Variants in PCDHGB4 observed in about 807,000 individuals in gnomAD.
PCDHGB4 encodes protocadherin gamma-B4.
A neutral mutation model predicts 60.5 loss-of-function variants in PCDHGB4; 38 were observed. The observed-to-expected ratio is 0.63, with a 90% CI of 0.48 to 0.82. The LOEUF (loss-of-function observed/expected upper bound fraction) is 0.82, where lower values mean the gene tolerates loss of function less well. PCDHGB4 is among the 40% of genes least tolerant of loss of function. PCDHGB4 has a pLI of 0.00. For synonymous variants in PCDHGB4, 456 were observed against 509.7 expected (o/e 0.89, Z 1.42); for missense variants, 1,109 against 1,209.6 (o/e 0.92, Z 1.23).
At position 141,431,747 on chromosome 5, in the gene PCDHGB4, C is replaced by T. The variant is rs371020840; in HGVS notation, c.2397+41466C>T. The T allele has an allele frequency of 5.0e-6, 8 of 1,614,064 alleles. No individual in the cohort carries two copies. In the Admixed American group the frequency reaches 5.0e-5, roughly 10 times the overall value. On this transcript the variant is annotated intron_variant, in intron 1 of 3. Transcript: ENST00000519479. This position sits in a 1 kb window ranked among gnomAD's most constrained non-coding sequence, Gnocchi z 4.8. ...AATGGATAATGCAGGATATTCTGCG[C>T]GAGCCAAAGTCCTGATCACTGTTCT...
intron 1 of PCDHGB4, chr5:141,422,889 G>A (rs62378455): frequency 0.035 from 55,863 of 1,614,202 alleles, 1,109 homozygotes; most frequent in Middle Eastern, 0.098. Context: ...TGTTCGTGCT[G>A]GACCAGAACG....
intron 1 of PCDHGB4, among the ~76,000 whole-genome samples, chr5:141,469,449 C>A (rs1017174114): frequency 2.0e-5 from 3 of 151,846 alleles, no homozygotes; most frequent in African/African-American, 7.3e-5. Context: ...GTGGTGCACA[C>A]CTGTAGTCTC....
At chr5:141,430,931 G>C (rs781580216) in intron 1 of PCDHGB4, 2 of 1,607,530 alleles carry the variant, frequency 1.2e-6, no homozygotes, top group Admixed American at 1.7e-5. Flanking sequence ...GGAGCCCCGG[G>C]AGCTCGCGGA....
intron 1 of PCDHGB4, chr5:141,392,652 A>T: frequency 1.4e-6 from 1 of 713,126 alleles, no homozygotes; most frequent in South Asian, 2.2e-5. Flanking sequence ...GAAGACCCGC[A>T]GATGCCACAA....
chr5:141,457,635 T>G (rs1242403589), intron 1 of PCDHGB4, among the ~76,000 whole-genome samples: 2 of 152,270 alleles, frequency 1.3e-5, no homozygotes, highest in African/African-American at 4.8e-5. Flanking sequence ...ATACTTGGCC[T>G]GATTATTTGC....
intron 1 of PCDHGB4, among the ~76,000 whole-genome samples, chr5:141,494,135 GTCAC>G (rs1365926534): frequency 3.3e-5 from 5 of 152,202 alleles, no homozygotes; most frequent in Admixed American, 6.5e-5. Flanking sequence ...CTTCTCCTTA[GTCAC>G]AGACCATTGT....
chr5:141,414,371 A>G (rs1447111430), intron 1 of PCDHGB4: 1 of 1,613,954 alleles, frequency 6.2e-7, no homozygotes, highest in South Asian at 1.1e-5. Flanking sequence ...TTTAAATTAG[A>G]AAAGTCCATT....
intron 1 of PCDHGB4, chr5:141,421,335 G>A (rs2096564985): frequency 1.2e-6 from 2 of 1,613,944 alleles, no homozygotes; most frequent in Non-Finnish European, 8.5e-7. Context: ...GATATTCGGT[G>A]CCAGAAGAGA....
chr5:141,395,414 T>A (rs1254527655), intron 1 of PCDHGB4: 7 of 780,958 alleles, frequency 9.0e-6, no homozygotes, highest in Non-Finnish European at 1.4e-5. Flanking sequence ...TAGGTTATTG[T>A]TTCATTTGCT....
intron 1 of PCDHGB4, chr5:141,427,791 G>T (rs763294539): frequency 1.3e-6 from 2 of 1,488,082 alleles, no homozygotes; most frequent in South Asian, 1.1e-5. Context: ...GTCGTCCTAC[G>T]TGTCCGTGAG....
intron 1 of PCDHGB4, chr5:141,403,576 C>T (rs976638680): frequency 1.9e-6 from 3 of 1,613,946 alleles, no homozygotes; most frequent in Non-Finnish European, 2.5e-6. Context: ...CAACTGCCCA[C>T]CACCTGGTCC....
chr5:141,478,414 C>T, intron 1 of PCDHGB4: 1 of 1,613,630 alleles, frequency 6.2e-7, no homozygotes, highest in Non-Finnish European at 8.5e-7. Context: ...CCACGGACTC[C>T]CGCCGCAGCG....
intron 1 of PCDHGB4, chr5:141,398,280 C>T (rs1001902282): frequency 1.4e-5 from 19 of 1,405,808 alleles, no homozygotes; most frequent in Non-Finnish European, 1.8e-5. Context: ...GGAACCTCGC[C>T]ACGGACCTGG....
intron 1 of PCDHGB4, chr5:141,413,618 A>C (rs1188549125): frequency 6.2e-7 from 1 of 1,613,916 alleles, no homozygotes; most frequent in Admixed American, 1.7e-5. Context: ...AAAATTAATG[A>C]AAATGTCGCT....
rs900884760 is a variant in PCDHGB4, at chr5:141,414,031, C to T, written c.2397+23750C>T. ...CAATGGAGAAGTGACATATTCATTC[C>T]GAAAATTACCTGACACGCAATTGTT... On this transcript the variant is annotated intron_variant, in intron 1 of 3. Coordinates refer to ENST00000519479, the MANE Select transcript of PCDHGB4 (RefSeq NM_003736.4). 4 of 1,611,858 alleles carry T rather than the reference C, an allele frequency of 2.5e-6. No homozygotes were observed. The Admixed American group carries it at 6.7e-5, about 27-fold the overall frequency.
Position 141,431,919 on chromosome 5 carries a change from A to C in PCDHGB4, c.2397+41638A>C, listed in dbSNP as rs2097428718. The C allele has an allele frequency of 7.4e-6, 12 of 1,614,040 alleles. No individual in the cohort carries two copies. Among genetic ancestry groups the C allele is most frequent in the Non-Finnish European group, 1.0e-5 (12 of 1,179,980 alleles). On this transcript the variant is annotated intron_variant, in intron 1 of 3. Transcript: ENST00000519479. This position sits in a 1 kb window ranked among gnomAD's most constrained non-coding sequence, Gnocchi z 4.8. ...AACGGACAGGTGATCTGTTTCATCC[A>C]AGGAAATCTGCCCTTTAAATTAGAA... is the stretch of plus-strand genomic sequence containing the variant.
intron 2 of PCDHGB4, among the ~76,000 whole-genome samples, chr5:141,500,666 G>A (rs567881941): frequency 3.6e-4 from 55 of 152,250 alleles, no homozygotes; most frequent in African/African-American, 1.3e-3. Context: ...AGGCCATACT[G>A]TCCAACAGAA....
In PCDHGB4 at chr5:141,486,518, A is replaced by G; in HGVS notation, c.2398-8289A>G. The G allele has an allele frequency of 6.2e-7, 1 of 1,614,132 alleles. No homozygotes were observed. Among genetic ancestry groups the G allele is most frequent in the Non-Finnish European group, 8.5e-7 (1 of 1,179,996 alleles). On this transcript the variant is annotated intron_variant, in intron 1 of 3. Coordinates refer to ENST00000519479, the MANE Select transcript of PCDHGB4 (RefSeq NM_003736.4). The surrounding 1 kb of genome is among the most constrained non-coding windows in gnomAD (Gnocchi z 5.0). ...TATTTTCCTCAATATTTCAGATGTG[A>G]ATGATAATCCACCCTCTTTCTTTCA...
At chr5:141,422,090 AGGCTTCTGAAATATTCCAATT>A (rs1561798894) in intron 1 of PCDHGB4, 11 of 1,611,852 alleles carry the variant, frequency 6.8e-6, no homozygotes, top group Non-Finnish European at 9.3e-6. Flanking sequence ...ATGGAAAGCA[AGGCTTCTGAAATATTCCAATT>A]GGATTCACAA....
Sources: gnomAD v4.1 joint callset for allele counts (sites outside exome capture counted in the v4.1 genomes callset) on GRCh38, gnomAD v4.1.1 for gene constraint, Gnocchi (gnomAD v3.1) non-coding constraint, MANE v1.5 for transcripts, NCBI Gene and HGNC (gene_info 2026-07-23, HGNC 2026-07-21) for gene names.